The following INTS9 variants were observed in gnomAD, a reference collection of about 807,000 sequenced individuals.
INTS9 encodes protein related to CPSF subunits of 74 kDa.
A neutral mutation model predicts 79.7 loss-of-function variants in INTS9; 55 were observed. That is an observed-to-expected ratio of 0.69 (90% CI 0.56 to 0.86). The LOEUF is 0.86. Among genes scored for constraint, INTS9 ranks in the 40% least tolerant of loss-of-function variants. The pLI is 0.00. For synonymous variants in INTS9, 319 were observed against 325.2 expected, an observed-to-expected ratio of 0.98 and a Z score of 0.20; for missense variants, 721 against 831.5, an observed-to-expected ratio of 0.87 and a Z score of 1.64.
intron 8 of INTS9, among the ~76,000 whole-genome samples, chr8:28,810,599 C>T (rs1356484604): frequency 6.6e-6 from 1 of 151,662 alleles, no homozygotes; most frequent in Admixed American, 6.6e-5. Context: ...AGAACAAGAC[C>T]TTCTCTCTCT....
intron 1 of INTS9, among the ~76,000 whole-genome samples, chr8:28,869,147 C>G (rs1212968222): frequency 2.0e-5 from 3 of 152,072 alleles, no homozygotes; most frequent in Non-Finnish European, 4.4e-5. Flanking sequence ...AATGCACAAG[C>G]TGGAACTAAT....
chr8:28,796,920 T>C (rs1352755786), intron 8 of INTS9: 3 of 342,792 alleles, frequency 8.8e-6, no homozygotes, highest in East Asian at 9.0e-5. Context: ...AAATTCAGTA[T>C]TACACATTTA....
intron 13 of INTS9, among the ~76,000 whole-genome samples, chr8:28,776,815 A>G (rs1802916103): frequency 6.6e-6 from 1 of 152,148 alleles, no homozygotes; most frequent in East Asian, 1.9e-4. Flanking sequence ...TCCAGTTTCC[A>G]GGATTAGCAC....
intron 14 of INTS9, among the ~76,000 whole-genome samples, chr8:28,772,535 A>G (rs926111011): frequency 1.3e-5 from 2 of 151,656 alleles, no homozygotes; most frequent in Non-Finnish European, 2.9e-5. Flanking sequence ...AGGGCCGGGC[A>G]CGGTGGTTCA....
chr8:28,882,532 TAA>T (rs369293166), intron 1 of INTS9, among the ~76,000 whole-genome samples: 736 of 63,284 alleles, frequency 0.012, 7 homozygotes, highest in South Asian at 0.018. Context: ...TATTAACAGC[TAA>T]AAAAAAAAAA....
chr8:28,861,770 G>A (rs193174096), intron 1 of INTS9, among the ~76,000 whole-genome samples: 2 of 152,330 alleles, frequency 1.3e-5, no homozygotes, highest in East Asian at 1.9e-4. Context: ...AAGAAAGTTC[G>A]CTGGAAGACT....
rs117536701 is a variant in INTS9, at chr8:28,767,758, C to T, written c.*388G>A. ...ATATTTTGGGATCATCATCTTATTG[C>T]GTACAGCACTGTAGGCAAGTAAACG... On this transcript the variant is annotated 3_prime_UTR_variant, in exon 17 of 17. Coordinates refer to ENST00000521022, the MANE Select transcript of INTS9 (RefSeq NM_018250.4). The T allele has an allele frequency of 4.7e-5, 10 of 213,460 alleles. No individual in the cohort carries two copies. The highest frequency in any genetic ancestry group is 1.3e-4 in the East Asian group (1 of 7,912). The allele number at this position is 213,460 out of a possible 1,614,324, so 13.2% of individuals were successfully genotyped here.
chr8:28,817,997 A>AT (rs1374685052), intron 6 of INTS9, among the ~76,000 whole-genome samples: 1 of 147,246 alleles, frequency 6.8e-6, no homozygotes, highest in Non-Finnish European at 1.5e-5. Context: ...TTGTACATTG[A>AT]TTTTGTATCC....
At chr8:28,791,754 G>T (rs1282266351) in intron 10 of INTS9, among the ~76,000 whole-genome samples, 1 of 152,166 alleles carries the variant, frequency 6.6e-6, no homozygotes, top group Non-Finnish European at 1.5e-5. Context: ...CAGTGCTTTG[G>T]CACTTAAAGG....
intron 1 of INTS9, among the ~76,000 whole-genome samples, chr8:28,863,250 C>A (rs762171650): frequency 1.3e-5 from 2 of 152,076 alleles, no homozygotes; most frequent in Non-Finnish European, 1.5e-5. Context: ...CTAGTAAGTA[C>A]AGAATAATCT....
intron 13 of INTS9, chr8:28,776,371 A>C (rs992870613): frequency 1.3e-5 from 2 of 153,264 alleles, no homozygotes; most frequent in African/African-American, 4.9e-5. Context: ...GGTATTAGGC[A>C]GTGGGCACTC....
At chr8:28,883,220 A>G (rs904097432) in intron 1 of INTS9, among the ~76,000 whole-genome samples, 4 of 152,162 alleles carry the variant, frequency 2.6e-5, no homozygotes, top group Admixed American at 2.0e-4. Context: ...TAATTCCTAC[A>G]TCTATGCACT....
chr8:28,846,359 T>G (rs1161726917), intron 4 of INTS9, among the ~76,000 whole-genome samples: 1 of 152,236 alleles, frequency 6.6e-6, no homozygotes, highest in Admixed American at 6.5e-5. Context: ...GCAAGAATTT[T>G]TACAGTTTAC....
At position 28,854,737 on chromosome 8, in the gene INTS9, A is replaced by C. The variant is rs114089685; in HGVS notation, c.138-4464T>G. ...CCAGTCAGCATGCAAATTGATGGGG[A>C]CAAGTGGAGGCAGCATCAAAAGATT... is the stretch of plus-strand genomic sequence containing the variant. On this transcript the variant is annotated intron_variant, in intron 2 of 16. Coordinates refer to ENST00000521022, the MANE Select transcript of INTS9 (RefSeq NM_018250.4). 4.7e-3 allele frequency among the ~76,000 whole-genome samples: 709 copies of C among 152,218 alleles called. 5 individuals are homozygous for C. The highest frequency in any genetic ancestry group is 0.016 in the African/African-American group (664 of 41,504).
At chr8:28,863,974 T>C (rs1031847792) in intron 1 of INTS9, among the ~76,000 whole-genome samples, 3 of 152,264 alleles carry the variant, frequency 2.0e-5, no homozygotes, top group African/African-American at 4.8e-5. Flanking sequence ...ATAAACATTA[T>C]TTATATTTTT....
intron 1 of INTS9, among the ~76,000 whole-genome samples, chr8:28,889,233 G>C (rs1354239063): frequency 1.3e-5 from 2 of 152,174 alleles, no homozygotes; most frequent in Non-Finnish European, 2.9e-5. Flanking sequence ...GTGATGTTAA[G>C]ACTTCAGGTA....
chr8:28,780,535 A>G, intron 12 of INTS9: 1 of 985,408 alleles, frequency 1.0e-6, no homozygotes, highest in Non-Finnish European at 1.2e-6. Flanking sequence ...GAATCACTGC[A>G]CTTCTTGAAA....
At chr8:28,865,070 C>T (rs1367714138) in intron 1 of INTS9, among the ~76,000 whole-genome samples, 1 of 145,860 alleles carries the variant, frequency 6.9e-6, no homozygotes, top group South Asian at 2.2e-4. Context: ...AAAATAAAAA[C>T]AAAAAATCAT....
intron 4 of INTS9, among the ~76,000 whole-genome samples, chr8:28,840,632 G>A (rs1354327439): frequency 2.1e-5 from 3 of 145,658 alleles, no homozygotes; most frequent in African/African-American, 5.1e-5. Context: ...ATGAGTTCAT[G>A]TCCTTTGTAG....
Sources: gnomAD v4.1 joint callset for allele counts (sites outside exome capture counted in the v4.1 genomes callset) on GRCh38, gnomAD v4.1.1 for gene constraint, MANE v1.5 for transcripts, NCBI Gene and HGNC (gene_info 2026-07-23, HGNC 2026-07-21) for gene names.